The following NRXN3 variants were observed in gnomAD, a reference collection of about 807,000 sequenced individuals.
NRXN3 encodes neurexin 3.
A neutral mutation model predicts 137.6 loss-of-function variants in NRXN3; 32 were observed. The observed-to-expected ratio is 0.23, with a 90% confidence interval of 0.18 to 0.31. The LOEUF is 0.31. NRXN3 is among the 10% of genes least tolerant of loss of function. The pLI, the probability that NRXN3 is intolerant of heterozygous loss-of-function variation, is 1.00. For synonymous variants in NRXN3, 798 were observed against 784.5 expected (o/e 1.02, Z -0.29); for missense variants, 1,574 against 2,062.5 (o/e 0.76, Z 4.59).
At chr14:78,643,396 GT>G (rs1176082183) in intron 4 of NRXN3, among the ~76,000 whole-genome samples, 2 of 152,140 alleles carry the variant, frequency 1.3e-5, no homozygotes, top group African/African-American at 4.8e-5. Context: ...TAGTAATGAG[GT>G]GCTTTTGATA....
chr14:78,263,026 TGTA>T (rs1313325944), intron 2 of NRXN3, among the ~76,000 whole-genome samples: 1 of 144,684 alleles, frequency 6.9e-6, no homozygotes, highest in East Asian at 2.1e-4. Context: ...AAATAAACAA[TGTA>T]GTACATTTTT....
At chr14:79,501,275 C>T (rs2096823855) in intron 16 of NRXN3, among the ~76,000 whole-genome samples, 1 of 152,168 alleles carries the variant, frequency 6.6e-6, no homozygotes, top group Admixed American at 6.5e-5. Flanking sequence ...CCACACTGAA[C>T]ATTTCCATTG....
intron 19 of NRXN3, among the ~76,000 whole-genome samples, chr14:79,756,368 T>G (rs1274956562): frequency 6.6e-6 from 1 of 152,192 alleles, no homozygotes; most frequent in Non-Finnish European, 1.5e-5. Context: ...AAAAAGTTTT[T>G]CTTTTCTAGC....
chr14:78,176,026 G>A (rs1449889691), intron 1 of NRXN3, among the ~76,000 whole-genome samples: 2 of 152,274 alleles, frequency 1.3e-5, no homozygotes, highest in East Asian at 1.9e-4. Context: ...TTCCTGACAC[G>A]TAGTAGGTGC....
intron 16 of NRXN3, among the ~76,000 whole-genome samples, chr14:79,654,536 A>G (rs1434912256): frequency 1.3e-5 from 2 of 152,142 alleles, no homozygotes; most frequent in Admixed American, 6.5e-5. Flanking sequence ...CCGTGTCCCA[A>G]TAAAACTTTA....
chr14:79,828,358 G>A (rs1056075082), intron 20 of NRXN3, among the ~76,000 whole-genome samples: 13 of 152,004 alleles, frequency 8.6e-5, no homozygotes, highest in African/African-American at 2.4e-4. Context: ...GGTGGCTCAC[G>A]CCTGTAATCC....
At chr14:78,478,950 A>G (rs2095425801) in intron 4 of NRXN3, among the ~76,000 whole-genome samples, 1 of 152,156 alleles carries the variant, frequency 6.6e-6, no homozygotes, top group African/African-American at 2.4e-5. Context: ...CTATGCAGAG[A>G]TGTGTTAGTT....
chr14:79,151,277 C>G (rs2059773879), intron 15 of NRXN3, among the ~76,000 whole-genome samples: 1 of 151,922 alleles, frequency 6.6e-6, no homozygotes, highest in South Asian at 2.1e-4. Flanking sequence ...TCAAGACTTC[C>G]AAAAACATAC....
intron 16 of NRXN3, among the ~76,000 whole-genome samples, chr14:79,474,437 TTTAA>T (rs1207942304): frequency 6.6e-6 from 1 of 152,118 alleles, no homozygotes; most frequent in Non-Finnish European, 1.5e-5. Flanking sequence ...GGCAAAATTT[TTTAA>T]TTTCTGTTTC....
intron 15 of NRXN3, among the ~76,000 whole-genome samples, chr14:79,156,495 G>A (rs954097446): frequency 1.3e-5 from 2 of 151,548 alleles, no homozygotes; most frequent in African/African-American, 4.8e-5. Context: ...CAGGAAGCAA[G>A]GTTAAACAAA....
At chr14:79,126,212 A>C (rs1244960837) in intron 15 of NRXN3, among the ~76,000 whole-genome samples, 3 of 152,016 alleles carry the variant, frequency 2.0e-5, no homozygotes, top group South Asian at 2.1e-4. Context: ...TTTAGGGTAC[A>C]TGTGCACAAT....
chr14:79,253,457 A>G (rs1315435516), intron 15 of NRXN3, among the ~76,000 whole-genome samples: 1 of 152,192 alleles, frequency 6.6e-6, no homozygotes, highest in Non-Finnish European at 1.5e-5. Context: ...TACAGAAAAT[A>G]ACTAGGGAGG....
At chr14:78,187,903 G>A (rs1304088647) in intron 1 of NRXN3, among the ~76,000 whole-genome samples, 1 of 151,876 alleles carries the variant, frequency 6.6e-6, no homozygotes, top group Non-Finnish European at 1.5e-5. Context: ...GTGGAGGAAG[G>A]GGAGTCCCTA....
chr14:78,310,408 T>C (rs2153542382), intron 4 of NRXN3, among the ~76,000 whole-genome samples: 1 of 152,188 alleles, frequency 6.6e-6, no homozygotes, highest in Non-Finnish European at 1.5e-5. Context: ...GTCCTATTTA[T>C]GTGCTGTCTG....
intron 4 of NRXN3, among the ~76,000 whole-genome samples, chr14:78,348,747 A>G (rs2083084210): frequency 1.3e-5 from 2 of 152,178 alleles, no homozygotes; most frequent in African/African-American, 4.8e-5. Flanking sequence ...TGGGGGCGGA[A>G]TCCACCTCTC....
At chr14:78,835,761 G>A (rs1007313520) in intron 10 of NRXN3, among the ~76,000 whole-genome samples, 4 of 152,096 alleles carry the variant, frequency 2.6e-5, no homozygotes, top group African/African-American at 9.7e-5. Context: ...ACTCTGCAAA[G>A]TGGCTGGGTC....
intron 4 of NRXN3, among the ~76,000 whole-genome samples, chr14:78,598,036 G>A (rs551231956): frequency 3.3e-5 from 5 of 152,316 alleles, no homozygotes; most frequent in African/African-American, 1.2e-4. Context: ...CCACCTTGAA[G>A]GGCAAGTTGA....
intron 15 of NRXN3, among the ~76,000 whole-genome samples, chr14:79,343,553 A>T (rs2092719209): frequency 1.3e-5 from 2 of 151,866 alleles, no homozygotes; most frequent in South Asian, 4.2e-4. Context: ...CTTTCTCTTT[A>T]TTTCCTGTGC....
chr14:78,194,296 T>C (rs2061028295), intron 1 of NRXN3, among the ~76,000 whole-genome samples: 1 of 151,352 alleles, frequency 6.6e-6, no homozygotes, highest in African/African-American at 2.4e-5. Flanking sequence ...TATCTGGTGC[T>C]CCTTATGTCT....
Sources: allele counts gnomAD v4.1 joint callset (sites outside exome capture counted in the v4.1 genomes callset), GRCh38; gene constraint gnomAD v4.1.1; transcripts MANE v1.5; gene names NCBI Gene and HGNC (gene_info 2026-07-23, HGNC 2026-07-21).